ARFGEF1: variants seen among roughly 807,000 people sequenced by gnomAD.
ARFGEF1 encodes the protein brefeldin A-inhibited guanine nucleotide-exchange protein 1.
Under a neutral mutation model 231.0 loss-of-function variants are expected in ARFGEF1, and 42 were observed. That is an observed-to-expected ratio of 0.18 (90% CI 0.14 to 0.24). ARFGEF1 has a LOEUF of 0.24. Ranked by LOEUF, ARFGEF1 falls within the 10% of genes least tolerant of loss-of-function variation. The pLI is 1.00. For missense variants in ARFGEF1, 1,345 were observed against 2,192.0 expected (o/e 0.61, Z 7.72); for synonymous variants, 710 against 732.3 (o/e 0.97, Z 0.49).
intron 32 of ARFGEF1, among the ~76,000 whole-genome samples, chr8:67,216,946 C>T (rs1838956423): frequency 6.6e-6 from 1 of 151,612 alleles, no homozygotes; most frequent in African/African-American, 2.4e-5. Context: ...GATTTCAGAC[C>T]TCCTTTCCCT....
At chr8:67,185,799 C>A (rs2129573841) in intron 5 of ARFGEF1, among the ~76,000 whole-genome samples, 1 of 152,172 alleles carries the variant, frequency 6.6e-6, no homozygotes, top group East Asian at 1.9e-4. Context: ...GTGAAGAAAT[C>A]TATACAAGAT....
downstream of ARFGEF1, chr8:67,195,570 G>C: frequency 6.2e-7 from 1 of 1,614,080 alleles, no homozygotes; most frequent in East Asian, 2.2e-5. Flanking sequence ...CACTTGGCAG[G>C]GCCTGTCGAC....
chr8:67,273,834 C>T lies in ARFGEF1; in HGVS notation c.1338-1898G>A, dbSNP rs564652530. On this transcript the variant is annotated intron_variant, in intron 9 of 38. Coordinates refer to ENST00000262215, the MANE Select transcript of ARFGEF1 (RefSeq NM_006421.5). ...ACTACAAATTAACCCACCACCTCCC[C>T]TCCTGTTCTAGTCTTCCAAGGCTTA... is the stretch of plus-strand genomic sequence containing the variant. 5.9e-5 allele frequency among the ~76,000 whole-genome samples: 9 copies of T among 152,260 alleles called. No individual in the cohort carries two copies. The South Asian group carries it at 1.0e-3, about 18-fold the overall frequency.
intron 1 of ARFGEF1, among the ~76,000 whole-genome samples, chr8:67,329,389 C>T (rs572055895): frequency 8.2e-4 from 125 of 151,632 alleles, no homozygotes; most frequent in Middle Eastern, 6.8e-3. Context: ...ATTAGTCAGG[C>T]GTGGTGGCAG....
intron 22 of ARFGEF1, among the ~76,000 whole-genome samples, chr8:67,233,966 G>T (rs762366039): frequency 6.6e-6 from 1 of 152,050 alleles, no homozygotes; most frequent in Admixed American, 6.5e-5. Context: ...TCATACAGTT[G>T]CATATAAATT....
rs757906672 is a variant in ARFGEF1 at position 67,190,779 on chromosome 8, C to T, written c.560+9617G>A. The T allele has an allele frequency of 1.2e-5, 18 of 1,534,284 alleles. No individual in the cohort carries two copies. The South Asian group carries it at 1.6e-4, about 13-fold the overall frequency. On this transcript the variant is annotated intron_variant, in intron 5 of 5. Coordinates refer to the ARFGEF1 transcript ENST00000518789. ...GACATTGTATGTATGAGACTTTTCT[C>T]CCCCTTTTCAACTTAGAAGAATGAG... is the stretch of plus-strand genomic sequence containing the variant.
chr8:67,179,903 T>G, intron 5 of ARFGEF1: 1 of 1,586,022 alleles, frequency 6.3e-7, no homozygotes, highest in Non-Finnish European at 8.7e-7. Flanking sequence ...AACTCATTAT[T>G]GGAATCTGAT....
At chr8:67,175,693 C>T (rs925201247) in intron 5 of ARFGEF1, 1 of 589,586 alleles carries the variant, frequency 1.7e-6, no homozygotes, top group Non-Finnish European at 3.2e-6. Flanking sequence ...AATACTTTGA[C>T]CAGGCCAGGT....
chr8:67,299,797 C>T (rs1806396853), intron 3 of ARFGEF1, among the ~76,000 whole-genome samples: 1 of 151,940 alleles, frequency 6.6e-6, no homozygotes, highest in Non-Finnish European at 1.5e-5. Context: ...AGGGAAAGCC[C>T]ATCTCTACAA....
chr8:67,321,305 A>C (rs1162985607), intron 1 of ARFGEF1, among the ~76,000 whole-genome samples: 1 of 152,202 alleles, frequency 6.6e-6, no homozygotes, highest in Non-Finnish European at 1.5e-5. Flanking sequence ...AAAAAACAAA[A>C]ATACAAAGCA....
intron 29 of ARFGEF1, among the ~76,000 whole-genome samples, chr8:67,222,269 A>ATGTATT (rs1483190587): frequency 9.8e-5 from 10 of 101,948 alleles, no homozygotes; most frequent in Non-Finnish European, 1.8e-4. Context: ...GTATGTATGT[A>ATGTATT]TTTTTTTTTT....
intron 1 of ARFGEF1, among the ~76,000 whole-genome samples, chr8:67,318,848 A>T (rs1404908605): frequency 1.3e-5 from 2 of 152,088 alleles, no homozygotes; most frequent in Non-Finnish European, 2.9e-5. Context: ...TGGTGCATGC[A>T]TGTAGTCCCA....
chr8:67,231,909 A>G (rs1469291229), intron 23 of ARFGEF1, among the ~76,000 whole-genome samples: 1 of 151,938 alleles, frequency 6.6e-6, no homozygotes, highest in Non-Finnish European at 1.5e-5. Context: ...TACAGTAGGT[A>G]TGAGATAATC....
At chr8:67,298,739 T>C (rs1412064995) in intron 4 of ARFGEF1, among the ~76,000 whole-genome samples, 2 of 152,170 alleles carry the variant, frequency 1.3e-5, no homozygotes, top group Admixed American at 6.6e-5. Flanking sequence ...AATCCCCTAA[T>C]ATGGAGTCTA....
At chr8:67,275,870 T>C (rs987479840) in intron 9 of ARFGEF1, 106 bp downstream of exon 9, 8 of 1,410,846 alleles carry the variant, frequency 5.7e-6, no homozygotes, top group Middle Eastern at 2.2e-4. Flanking sequence ...TTTTTTTTTA[T>C]GGTTCTATAG....
At chr8:67,205,710 G>A (rs1442767118) in intron 34 of ARFGEF1, among the ~76,000 whole-genome samples, 1 of 151,826 alleles carries the variant, frequency 6.6e-6, no homozygotes, top group Admixed American at 6.6e-5. Flanking sequence ...ACAAAAAAAT[G>A]TGCCAGGCAT....
intron 10 of ARFGEF1, among the ~76,000 whole-genome samples, chr8:67,269,815 C>G (rs1174673178): frequency 6.6e-6 from 1 of 152,058 alleles, no homozygotes; most frequent in Non-Finnish European, 1.5e-5. Context: ...AATCTGACAT[C>G]TACAAATTGA....
At chr8:67,245,213 T>C (rs1840067272) in intron 19 of ARFGEF1, among the ~76,000 whole-genome samples, 1 of 150,524 alleles carries the variant, frequency 6.6e-6, no homozygotes, top group Admixed American at 6.6e-5. Flanking sequence ...ATGTCCTGCA[T>C]GAAATGCTAA....
Position 67,198,868 on chromosome 8 carries a change from C to A in ARFGEF1, c.*66G>T. On this transcript the variant is annotated 3_prime_UTR_variant, in exon 39 of 39. Transcript: ENST00000262215. Reference sequence around the variant, plus strand: ...GAGAAATCATTTTTCAGGTAGGAAACCTCAGCTCCAGCGTCCTTTTAAAGA... The same window carrying A: ...GAGAAATCATTTTTCAGGTAGGAAAACTCAGCTCCAGCGTCCTTTTAAAGA... 1.3e-6 allele frequency: 2 copies of A among 1,574,408 alleles called. No homozygotes were observed. The highest frequency in any genetic ancestry group is 2.4e-5 in the South Asian group (2 of 84,024).
Sources: allele counts gnomAD v4.1 joint callset (sites outside exome capture counted in the v4.1 genomes callset), GRCh38; gene constraint gnomAD v4.1.1; transcripts MANE v1.5; gene names NCBI Gene and HGNC (gene_info 2026-07-23, HGNC 2026-07-21).